Variants in GCNT1 observed in about 807,000 individuals in gnomAD.
GCNT1 encodes the protein beta-1,3-galactosyl-O-glycosyl-glycoprotein beta-1,6-N-acetylglucosaminyltransferase.
GCNT1 carries 16 observed loss-of-function variants against 26.2 expected under a neutral mutation model. The ratio of observed to expected loss-of-function variants is 0.61; its 90% CI spans 0.41 to 0.93. GCNT1 has a LOEUF of 0.93. Among genes scored for constraint, GCNT1 ranks in the 40% least tolerant of loss-of-function variants. The pLI is 0.00. For synonymous variants in GCNT1, 183 were observed against 190.8 expected, an observed-to-expected ratio of 0.96 and a Z score of 0.34; for missense variants, 477 against 526.7, an observed-to-expected ratio of 0.91 and a Z score of 0.92.
intron 1 of GCNT1, among the ~76,000 whole-genome samples, chr9:76,436,389 A>C (rs1823409925): frequency 6.6e-6 from 1 of 151,842 alleles, no homozygotes. Context: ...GGAGTTCAAG[A>C]TCAGCCTGGC....
chr9:76,433,231 C>A (rs1033260515), intron 1 of GCNT1, among the ~76,000 whole-genome samples: 1 of 152,178 alleles, frequency 6.6e-6, no homozygotes, highest in Non-Finnish European at 1.5e-5. Flanking sequence ...TGCCCTGCCC[C>A]CTCTTCGGAG....
intron 2 of GCNT1, among the ~76,000 whole-genome samples, chr9:76,490,438 C>G (rs574800647): frequency 2.0e-5 from 3 of 152,258 alleles, no homozygotes; most frequent in Admixed American, 1.3e-4. Context: ...CCATTTCTAA[C>G]CCTATACGTA....
upstream of GCNT1, among the ~76,000 whole-genome samples, chr9:76,458,595 T>C (rs1277636966): frequency 6.6e-6 from 1 of 152,226 alleles, no homozygotes; most frequent in Admixed American, 6.5e-5. Flanking sequence ...CAAAGAGAAC[T>C]GTGTCAACTT....
At chr9:76,429,775 C>T (rs1232189697) in intron 1 of GCNT1, among the ~76,000 whole-genome samples, 4 of 145,190 alleles carry the variant, frequency 2.8e-5, no homozygotes, top group Non-Finnish European at 4.5e-5. Flanking sequence ...AGTTCAGTGG[C>T]GCAATCTCGG....
At chr9:76,422,389 A>G (rs1823207415) in intron 1 of GCNT1, among the ~76,000 whole-genome samples, 1 of 152,160 alleles carries the variant, frequency 6.6e-6, no homozygotes, top group Non-Finnish European at 1.5e-5. Context: ...AATCTACGGT[A>G]TATTTCATCC....
intron 2 of GCNT1, among the ~76,000 whole-genome samples, chr9:76,491,519 T>C (rs1403965474): frequency 1.3e-5 from 2 of 152,232 alleles, no homozygotes; most frequent in Non-Finnish European, 2.9e-5. Context: ...GTTTTTCCCT[T>C]TCCCAGTTTT....
the GCNT1 span, among the ~76,000 whole-genome samples, chr9:76,413,671 T>TTTTTTTTTTTTTTTTTG: frequency 7.1e-6 from 1 of 140,152 alleles, no homozygotes; most frequent in Non-Finnish European, 1.6e-5. Context: ...TTTTTTTGTT[T>TTTTTTTTTTTTTTTTTG]TTTTTTTTTT....
chr9:76,413,653 G>GTTTTTTT, the GCNT1 span, among the ~76,000 whole-genome samples: 8 of 118,662 alleles, frequency 6.7e-5, no homozygotes, highest in Admixed American at 1.8e-4. Context: ...GTTTTGTTTT[G>GTTTTTTT]TTTTTTTTTT....
Position 76,503,249 on chromosome 9 carries a change from G to A in GCNT1, c.868G>A (p.Val290Met), listed in dbSNP as rs781163105. Residue 290 changes from valine to methionine, a missense_variant, in exon 4 of 4, where the codon GTG becomes ATG. Transcript: ENST00000376730. Reference protein sequence around the residue: ...TPLFSGSAYFVVSREYVGYVL... With the variant: ...TPLFSGSAYFMVSREYVGYVL... ...TCTCTTTTCTGGCAGTGCCTACTTC[G>A]TGGTCAGTAGGGAGTATGTGGGGTA... The A allele has an allele frequency of 1.2e-5, 20 of 1,613,934 alleles. No homozygotes were observed. Among genetic ancestry groups the A allele is most frequent in the East Asian group, 8.9e-5 (4 of 44,894 alleles).
At chr9:76,432,620 G>A (rs1408237054) in intron 1 of GCNT1, among the ~76,000 whole-genome samples, 1 of 152,098 alleles carries the variant, frequency 6.6e-6, no homozygotes, top group Non-Finnish European at 1.5e-5. Context: ...GATTACAGGC[G>A]TGCTCCACTG....
chr9:76,437,312 G>A (rs941920017), upstream of GCNT1, among the ~76,000 whole-genome samples: 1 of 152,060 alleles, frequency 6.6e-6, no homozygotes, highest in Non-Finnish European at 1.5e-5. Context: ...TACAGGTCAT[G>A]AAGATCTTGC....
chr9:76,476,159 C>T (rs1380936863), intron 2 of GCNT1, among the ~76,000 whole-genome samples: 8 of 152,142 alleles, frequency 5.3e-5, no homozygotes, highest in African/African-American at 1.9e-4. Flanking sequence ...AGGGCTATCT[C>T]TAAAAACAAG....
rs775852604 is a variant in GCNT1, at chr9:76,502,514, C to T, written c.133C>T (p.His45Tyr). The T allele has an allele frequency of 3.9e-5, 63 of 1,613,864 alleles. No homozygotes were observed. Among genetic ancestry groups the T allele is most frequent in the Middle Eastern group, 3.3e-4 (2 of 6,060 alleles). The change falls in exon 4 of 4, where the codon CAC (histidine) becomes TAC (tyrosine). Residue 45 changes from histidine to tyrosine, a missense_variant. By Grantham distance (83) the His-to-Tyr change is moderately conservative. Coordinates refer to ENST00000376730, the MANE Select transcript of GCNT1 (RefSeq NM_001490.5). ...HQKPEFVSVR[H>Y]LELAGENPSS... ...AAAGCCTGAATTTGTAAGTGTCAGACACTTGGAGCTTGCTGGGGAGAATCC... is the reference window on the plus strand; with the variant it reads ...AAAGCCTGAATTTGTAAGTGTCAGATACTTGGAGCTTGCTGGGGAGAATCC...
intron 2 of GCNT1, among the ~76,000 whole-genome samples, chr9:76,484,375 A>G (rs1824508699): frequency 6.6e-6 from 1 of 152,138 alleles, no homozygotes; most frequent in Admixed American, 6.6e-5. Flanking sequence ...GTCTTAAAAA[A>G]AAAAAAAAGA....
upstream of GCNT1, among the ~76,000 whole-genome samples, chr9:76,418,117 A>T (rs114457639): frequency 1.7e-3 from 264 of 152,280 alleles, no homozygotes; most frequent in African/African-American, 6.2e-3. Context: ...CAGTCCAGAA[A>T]GGTGGGACAA....
upstream of GCNT1, among the ~76,000 whole-genome samples, chr9:76,416,846 G>A (rs1382939036): frequency 6.6e-6 from 1 of 152,180 alleles, no homozygotes; most frequent in Non-Finnish European, 1.5e-5. Context: ...ATCACTTGAA[G>A]TCAGGAGTTC....
intron 1 of GCNT1, among the ~76,000 whole-genome samples, chr9:76,445,755 G>T (rs2131584197): frequency 6.6e-6 from 1 of 152,012 alleles, no homozygotes; most frequent in African/African-American, 2.4e-5. Flanking sequence ...TGGAAGGAAT[G>T]CTTGAGGTCA....
At chr9:76,426,721 C>A (rs1233594469) in intron 1 of GCNT1, among the ~76,000 whole-genome samples, 2 of 152,060 alleles carry the variant, frequency 1.3e-5, no homozygotes, top group Non-Finnish European at 2.9e-5. Context: ...CATAGCAAAA[C>A]CCCGTCTCTA....
At chr9:76,495,751 T>A (rs1410751405) in intron 2 of GCNT1, among the ~76,000 whole-genome samples, 1 of 152,170 alleles carries the variant, frequency 6.6e-6, no homozygotes, top group East Asian at 1.9e-4. Flanking sequence ...TTTGACTACT[T>A]CTTGGTTGGG....
Sources: allele counts gnomAD v4.1 joint callset (sites outside exome capture counted in the v4.1 genomes callset), GRCh38; gene constraint gnomAD v4.1.1; transcripts MANE v1.5; gene names NCBI Gene and HGNC (gene_info 2026-07-23, HGNC 2026-07-21).